Variants in CEP112 observed in about 807,000 individuals in gnomAD.
The protein encoded by CEP112 is centrosomal protein of 112 kDa.
A neutral mutation model predicts 153.0 loss-of-function variants in CEP112; 127 were observed. The observed-to-expected ratio is 0.83, with a 90% CI of 0.72 to 0.96. The LOEUF is 0.96. Ranked by LOEUF, CEP112 falls within the 40% of genes least tolerant of loss-of-function variation. The pLI, the probability that CEP112 is intolerant of heterozygous loss-of-function variation, is 0.00. For missense variants in CEP112, 1,089 were observed against 1,101.2 expected, an observed-to-expected ratio of 0.99 and a Z score of 0.16; for synonymous variants, 358 against 374.4, an observed-to-expected ratio of 0.96 and a Z score of 0.51.
intron 18 of CEP112, among the ~76,000 whole-genome samples, chr17:65,957,474 T>G (rs1316778491): frequency 6.6e-6 from 1 of 152,220 alleles, no homozygotes; most frequent in Non-Finnish European, 1.5e-5. Flanking sequence ...GTTTATTGAC[T>G]TGTATTGATT....
chr17:65,760,651 T>C (rs1258532797), intron 21 of CEP112, among the ~76,000 whole-genome samples: 1 of 152,178 alleles, frequency 6.6e-6, no homozygotes, highest in African/African-American at 2.4e-5. Flanking sequence ...AGTTTGCTAA[T>C]ATTTTGTTAA....
At chr17:65,827,140 G>A (rs993623761) in intron 21 of CEP112, among the ~76,000 whole-genome samples, 1 of 152,146 alleles carries the variant, frequency 6.6e-6, no homozygotes, top group Non-Finnish European at 1.5e-5. Context: ...GGCTTGCCAG[G>A]GGCTCTCAGG....
At chr17:65,970,032 A>G (rs140061842) in intron 17 of CEP112, among the ~76,000 whole-genome samples, 82 of 152,298 alleles carry the variant, frequency 5.4e-4, no homozygotes, top group African/African-American at 8.9e-4. Flanking sequence ...TGCACGCCAC[A>G]TGCATATTGC....
chr17:65,709,200 G>A (rs924581344), intron 23 of CEP112, among the ~76,000 whole-genome samples: 3 of 151,896 alleles, frequency 2.0e-5, no homozygotes, highest in Admixed American at 6.5e-5. Context: ...TCAAATCTGC[G>A]GCCTAATTAT....
At chr17:65,808,301 T>G (rs2145884129) in intron 21 of CEP112, among the ~76,000 whole-genome samples, 1 of 152,290 alleles carries the variant, frequency 6.6e-6, no homozygotes, top group Middle Eastern at 3.4e-3. Flanking sequence ...TTGTTTCTGA[T>G]TTTACAGGCT....
chr17:65,913,949 A>G (rs1273775567), intron 19 of CEP112: 1 of 817,690 alleles, frequency 1.2e-6, no homozygotes, highest in Non-Finnish European at 1.5e-6. Flanking sequence ...ACTTTTTGAA[A>G]AATGAGCTAT....
At chr17:65,695,127 G>A (rs1423698007) in intron 23 of CEP112, among the ~76,000 whole-genome samples, 3 of 152,160 alleles carry the variant, frequency 2.0e-5, no homozygotes, top group African/African-American at 7.2e-5. Context: ...TCTGCTGGTC[G>A]GGAATAAAGA....
At chr17:66,057,448 A>G (rs12939001) in intron 11 of CEP112, among the ~76,000 whole-genome samples, 62,451 of 151,898 alleles carry the variant, frequency 0.41, 14,301 homozygotes, top group East Asian at 0.87. Context: ...GGGAAAAAGG[A>G]AATACCCATT....
chr17:66,029,828 T>TTTATAGCTA (rs2065386208), intron 13 of CEP112, 41 bp downstream of exon 13: 2 of 1,575,502 alleles, frequency 1.3e-6, no homozygotes, highest in East Asian at 4.5e-5. Context: ...ATATCAGTAC[T>TTTATAGCTA]TTATAGCTAC....
intron 17 of CEP112, among the ~76,000 whole-genome samples, chr17:65,998,034 AT>A (rs1365458492): frequency 1.3e-5 from 2 of 152,138 alleles, no homozygotes; most frequent in Non-Finnish European, 2.9e-5. Context: ...AACAATCATT[AT>A]TTTATTTTAA....
At chr17:65,837,264 A>G (rs1219593760) in intron 21 of CEP112, among the ~76,000 whole-genome samples, 2 of 148,836 alleles carry the variant, frequency 1.3e-5, no homozygotes, top group Non-Finnish European at 3.0e-5. Flanking sequence ...CTGGCCGCCC[A>G]TCGTCTGGGA....
chr17:66,052,928 G>A (rs140088487), intron 12 of CEP112, among the ~76,000 whole-genome samples: 12 of 151,930 alleles, frequency 7.9e-5, no homozygotes, highest in Non-Finnish European at 1.5e-4. Flanking sequence ...CCAACATGGC[G>A]GAACCCTGTC....
At chr17:66,125,284 G>A (rs1338041070) in intron 6 of CEP112, among the ~76,000 whole-genome samples, 1 of 152,124 alleles carries the variant, frequency 6.6e-6, no homozygotes, top group African/African-American at 2.4e-5. Flanking sequence ...CTCATTTGTG[G>A]AAAACTACAG....
At chr17:65,925,350 T>A (rs997891562) in intron 19 of CEP112, among the ~76,000 whole-genome samples, 1 of 152,216 alleles carries the variant, frequency 6.6e-6, no homozygotes, top group Non-Finnish European at 1.5e-5. Flanking sequence ...CTTGGGTATG[T>A]CTTTATTAGC....
intron 16 of CEP112, among the ~76,000 whole-genome samples, chr17:66,015,793 C>T (rs1485369846): frequency 6.6e-6 from 1 of 152,120 alleles, no homozygotes; most frequent in Non-Finnish European, 1.5e-5. Context: ...CATACACAGA[C>T]CTTCTGAAAA....
intron 17 of CEP112, among the ~76,000 whole-genome samples, chr17:65,971,250 C>T (rs1408683710): frequency 6.6e-6 from 1 of 151,760 alleles, no homozygotes; most frequent in Non-Finnish European, 1.5e-5. Context: ...ACATGCACAT[C>T]AAATGCGTAC....
At chr17:65,721,290 A>C (rs565075061) in intron 23 of CEP112, among the ~76,000 whole-genome samples, 2 of 152,150 alleles carry the variant, frequency 1.3e-5, no homozygotes, top group African/African-American at 4.8e-5. Flanking sequence ...GATTACAGGC[A>C]TGAGCCACCG....
chr17:66,017,543 T>A (rs911331148), intron 16 of CEP112, among the ~76,000 whole-genome samples: 3 of 152,240 alleles, frequency 2.0e-5, no homozygotes, highest in Non-Finnish European at 4.4e-5. Flanking sequence ...CTTAATTGAA[T>A]ATATCTGTAT....
At chr17:65,903,424 G>T (rs1314745818) in intron 19 of CEP112, 1 of 152,140 alleles carries the variant, frequency 6.6e-6, no homozygotes, top group East Asian at 1.9e-4. Context: ...CTAAATTTCA[G>T]AAGTTTTCTT....
Sources: allele counts gnomAD v4.1 joint callset (sites outside exome capture counted in the v4.1 genomes callset), GRCh38; gene constraint gnomAD v4.1.1; transcripts MANE v1.5; gene names NCBI Gene and HGNC (gene_info 2026-07-23, HGNC 2026-07-21).